The following TBC1D5 variants were observed in gnomAD, a reference collection of about 807,000 sequenced individuals.
TBC1D5 encodes TBC1 domain family member 5.
In TBC1D5, 75 loss-of-function variants were observed where a neutral mutation model predicts 100.3. The ratio of observed to expected loss-of-function variants is 0.75; its 90% CI spans 0.62 to 0.91. The LOEUF (loss-of-function observed/expected upper bound fraction) is 0.91, where lower values mean the gene tolerates loss of function less well. TBC1D5 is among the 40% of genes least tolerant of loss of function. The pLI is 0.00. For synonymous variants in TBC1D5, 323 were observed against 325.6 expected (o/e 0.99, Z 0.09); for missense variants, 910 against 942.4 (o/e 0.97, Z 0.45).
chr3:17,197,573 T>G (rs1170502954), intron 18 of TBC1D5, among the ~76,000 whole-genome samples: 1 of 152,088 alleles, frequency 6.6e-6, no homozygotes. Context: ...GGTCTTGCTA[T>G]GTTGTCCCAG....
chr3:17,692,580 G>A lies in TBC1D5; in HGVS notation c.-101+46763C>T, dbSNP rs186892346. On this transcript the variant is annotated intron_variant, in intron 1 of 21. Coordinates refer to ENST00000253692, the Ensembl canonical transcript of TBC1D5. ...TACTTCTAAATCTACCTGTGATACA[G>A]GAGACCGTTTTTTAAATTGCCAATC... Among the ~76,000 whole-genome samples the A allele has an allele frequency of 9.3e-4, 141 of 152,296 alleles. 1 individual carries two copies. Among genetic ancestry groups the A allele is most frequent in the African/African-American group, 3.2e-3 (134 of 41,568 alleles).
chr3:17,400,920 G>A (rs1035406448), intron 8 of TBC1D5, among the ~76,000 whole-genome samples: 1 of 152,100 alleles, frequency 6.6e-6, no homozygotes, highest in African/African-American at 2.4e-5. Context: ...ACTGAAGGCT[G>A]CACTGTCGGC....
intron 2 of TBC1D5, among the ~76,000 whole-genome samples, chr3:17,547,844 C>T (rs1043812520): frequency 1.3e-5 from 2 of 152,176 alleles, no homozygotes; most frequent in African/African-American, 4.8e-5. Flanking sequence ...CTCAATTATA[C>T]TTCCTCACTC....
chr3:17,178,724 G>A (rs913480329), intron 19 of TBC1D5, among the ~76,000 whole-genome samples: 4 of 152,012 alleles, frequency 2.6e-5, no homozygotes, highest in Admixed American at 6.6e-5. Context: ...ATGAGCATCC[G>A]CCACCTCCTG....
chr3:17,591,267 C>CAAAAAAAAA (rs370530999), intron 2 of TBC1D5, among the ~76,000 whole-genome samples: 1 of 78,306 alleles, frequency 1.3e-5, no homozygotes, highest in Non-Finnish European at 2.4e-5. Flanking sequence ...AAAAAAAAAA[C>CAAAAAAAAA]AAAAACCCCA....
chr3:17,256,394 A>T (rs1405879572), intron 16 of TBC1D5, among the ~76,000 whole-genome samples: 1 of 146,794 alleles, frequency 6.8e-6, no homozygotes, highest in Admixed American at 6.8e-5. Flanking sequence ...TTATATATAT[A>T]TAATATATAT....
intron 3 of TBC1D5, among the ~76,000 whole-genome samples, chr3:17,462,414 C>G (rs930852083): frequency 2.0e-5 from 3 of 151,426 alleles, no homozygotes; most frequent in African/African-American, 7.3e-5. Context: ...CTCAAACTCC[C>G]AGGCTCAAGA....
At chr3:17,301,873 G>T (rs2082880494) in intron 14 of TBC1D5, among the ~76,000 whole-genome samples, 1 of 151,986 alleles carries the variant, frequency 6.6e-6, no homozygotes, top group Non-Finnish European at 1.5e-5. Context: ...GTGTGGTGGG[G>T]GTATCACCAT....
chr3:17,456,398 C>T (rs559603445), intron 3 of TBC1D5, among the ~76,000 whole-genome samples: 25 of 152,216 alleles, frequency 1.6e-4, no homozygotes, highest in African/African-American at 5.3e-4. Flanking sequence ...GCAAACTACC[C>T]ATGTAACAAG....
At chr3:17,347,209 C>T (rs1417822591) in intron 13 of TBC1D5, among the ~76,000 whole-genome samples, 1 of 152,172 alleles carries the variant, frequency 6.6e-6, no homozygotes, top group Admixed American at 6.5e-5. Context: ...GGATATGTTA[C>T]TCAGCTTCTT....
intron 2 of TBC1D5, among the ~76,000 whole-genome samples, chr3:17,612,064 G>T (rs1161606604): frequency 2.0e-5 from 3 of 152,086 alleles, no homozygotes; most frequent in African/African-American, 4.8e-5. Flanking sequence ...ATACTGGGAG[G>T]CCAAGCGAGT....
At chr3:17,296,451 G>C (rs542796911) in intron 14 of TBC1D5, among the ~76,000 whole-genome samples, 1 of 152,138 alleles carries the variant, frequency 6.6e-6, no homozygotes, top group Admixed American at 6.5e-5. Context: ...TTATTTAAAG[G>C]CCCTTACTAT....
intron 1 of TBC1D5, among the ~76,000 whole-genome samples, chr3:17,673,317 T>C (rs1156599179): frequency 6.8e-6 from 1 of 148,116 alleles, no homozygotes; most frequent in Non-Finnish European, 1.5e-5. Context: ...TTTTCTTTTT[T>C]TTTTTTTTTT....
intron 13 of TBC1D5, 95 bp downstream of exon 13, chr3:17,371,980 T>G (rs1042876122): frequency 8.1e-7 from 1 of 1,232,524 alleles, no homozygotes; most frequent in Non-Finnish European, 1.1e-6. Flanking sequence ...GAGTTTGCAG[T>G]AAGCCAAGAT....
chr3:17,315,312 AT>A (rs1193779644), intron 13 of TBC1D5, among the ~76,000 whole-genome samples: 4 of 152,258 alleles, frequency 2.6e-5, no homozygotes, highest in Non-Finnish European at 4.4e-5. Context: ...TTATAAAAAC[AT>A]GACCCAATAA....
intron 17 of TBC1D5, among the ~76,000 whole-genome samples, chr3:17,234,649 G>A (rs1487656893): frequency 6.6e-6 from 1 of 152,040 alleles, no homozygotes. Flanking sequence ...GCTATTTTCA[G>A]ACTAACAGGC....
At chr3:17,182,260 CT>C (rs1213829979) in intron 19 of TBC1D5, among the ~76,000 whole-genome samples, 2 of 152,034 alleles carry the variant, frequency 1.3e-5, no homozygotes, top group Admixed American at 1.3e-4. Flanking sequence ...CGCAGTCATG[CT>C]ATTTATATGA....
intron 13 of TBC1D5, among the ~76,000 whole-genome samples, chr3:17,358,406 G>GC (rs1476010799): frequency 2.6e-5 from 4 of 152,018 alleles, no homozygotes; most frequent in Non-Finnish European, 5.9e-5. Flanking sequence ...GGCTGGTCTT[G>GC]AACTCCCGAC....
intron 19 of TBC1D5, among the ~76,000 whole-genome samples, chr3:17,182,982 C>T (rs2068616743): frequency 6.6e-6 from 1 of 152,106 alleles, no homozygotes; most frequent in African/African-American, 2.4e-5. Flanking sequence ...CAGACACTCC[C>T]TACAGGGCAA....
Sources: gnomAD v4.1 joint callset for allele counts (sites outside exome capture counted in the v4.1 genomes callset) on GRCh38, gnomAD v4.1.1 for gene constraint, MANE v1.5 for transcripts, NCBI Gene and HGNC (gene_info 2026-07-23, HGNC 2026-07-21) for gene names.